Variants in BCL9 observed in about 807,000 individuals in gnomAD.
BCL9 encodes BCL9 transcription coactivator.
Under a neutral mutation model 88.5 loss-of-function variants are expected in BCL9, and 25 were observed. That is an observed-to-expected ratio of 0.28 (90% CI 0.21 to 0.39). The LOEUF is 0.39. BCL9 is among the 10% of genes least tolerant of loss of function. The pLI is 1.00. For missense variants in BCL9, 1,817 were observed against 1,877.8 expected (o/e 0.97, Z 0.60); for synonymous variants, 711 against 673.3 (o/e 1.06, Z -0.87).
chr1:147,545,793 T>C (rs1553194202), intron 1 of BCL9, among the ~76,000 whole-genome samples: 1 of 152,242 alleles, frequency 6.6e-6, no homozygotes, highest in African/African-American at 2.4e-5. Context: ...CTTGACATTT[T>C]AATGCACTTT....
At chr1:147,565,044 A>G (rs1452201200) in intron 1 of BCL9, among the ~76,000 whole-genome samples, 1 of 152,218 alleles carries the variant, frequency 6.6e-6, no homozygotes, top group African/African-American at 2.4e-5. Flanking sequence ...CCATCTCTGC[A>G]GAACGTTCTA....
chr1:147,605,170 T>C (rs1657618993), intron 2 of BCL9, among the ~76,000 whole-genome samples: 1 of 152,128 alleles, frequency 6.6e-6, no homozygotes, highest in African/African-American at 2.4e-5. Context: ...GTTAAACAGG[T>C]ATTTATCATA....
At chr1:147,559,128 CTT>C (rs11292399) in intron 1 of BCL9, among the ~76,000 whole-genome samples, 1 of 139,074 alleles carries the variant, frequency 7.2e-6, no homozygotes, top group Non-Finnish European at 1.5e-5. Context: ...CTTTCTTCTT[CTT>C]TTTTTTTTTT....
intron 1 of BCL9, among the ~76,000 whole-genome samples, chr1:147,549,045 C>T (rs149038085): frequency 0.033 from 4,173 of 128,026 alleles, 105 homozygotes; most frequent in Non-Finnish European, 0.044. Context: ...GGTGAGATCT[C>T]GGCTCACTGC....
intron 3 of BCL9, among the ~76,000 whole-genome samples, chr1:147,610,836 A>G (rs943485399): frequency 2.6e-5 from 4 of 152,192 alleles, no homozygotes; most frequent in Non-Finnish European, 4.4e-5. Context: ...TAGCCTTGCA[A>G]ATTGGCTCAA....
At chr1:147,576,072 A>G (rs1656098705) in intron 1 of BCL9, among the ~76,000 whole-genome samples, 1 of 152,152 alleles carries the variant, frequency 6.6e-6, no homozygotes, top group Non-Finnish European at 1.5e-5. Context: ...GGAATAAGAA[A>G]CAGGCTAGAT....
intron 1 of BCL9, among the ~76,000 whole-genome samples, chr1:147,561,536 C>T (rs781133286): frequency 1.2e-4 from 18 of 152,306 alleles, no homozygotes; most frequent in South Asian, 2.1e-4. Context: ...CATCTTATTG[C>T]GTGATGCAGC....
At position 147,620,154 on chromosome 1, in the gene BCL9, C is replaced by T. The variant is rs150844383; in HGVS notation, c.1999C>T (p.Arg667Cys). ...GAACAGGATGATTCCAGGCTCCCAG[C>T]GCCACATGGAGCCTGGGAATAACCC... ...EMNRMIPGSQRHMEPGNNPIF... is the reference protein window; with the variant it reads ...EMNRMIPGSQCHMEPGNNPIF... The change falls in exon 8 of 10, where the codon CGC becomes TGC. Residue 667 changes from arginine to cysteine, a missense_variant. Physicochemically the swap from Arg to Cys is radical, Grantham distance 180. This residue lies in a region of BCL9 where 1,228 missense variants were observed against 1,191.6 expected (regional missense o/e 1.03). Transcript: ENST00000234739. 8.1e-6 allele frequency: 13 copies of T among 1,614,068 alleles called. No homozygotes were observed. Among genetic ancestry groups the T allele is most frequent in the African/African-American group, 2.7e-5 (2 of 74,922 alleles).
At chr1:147,577,096 G>A (rs587710608) in intron 1 of BCL9, among the ~76,000 whole-genome samples, 2 of 151,958 alleles carry the variant, frequency 1.3e-5, no homozygotes, top group East Asian at 1.9e-4. Context: ...AGAAGTGATC[G>A]AACCAAGAAA....
chr1:147,588,026 G>A lies in BCL9; in HGVS notation c.-477-16751G>A, dbSNP rs1656695162. On this transcript the variant is annotated intron_variant, in intron 1 of 9. Transcript: ENST00000234739. ...GTAATATGTGCTTCTTTATTAGAAC[G>A]TTAATTAAAAAGTCTACTGGCAGGT... 2.6e-5 allele frequency among the ~76,000 whole-genome samples: 4 copies of A among 152,086 alleles called. No homozygotes were observed. In the South Asian group the frequency reaches 6.2e-4, roughly 24 times the overall value.
Position 147,614,540 on chromosome 1 carries a change from A to G in BCL9, c.484A>G (p.Thr162Ala), listed in dbSNP as rs1658174212. The change falls in exon 6 of 10, where the codon ACT (threonine) becomes GCT (alanine). Residue 162 changes from threonine to alanine, a missense_variant. By Grantham distance (58) the Thr-to-Ala change is moderately conservative. Around this residue, in one of 2 missense-constraint regions of BCL9, gnomAD observed 1,228 missense variants for 1,191.6 expected, o/e 1.03. Coordinates refer to ENST00000234739, the MANE Select transcript of BCL9 (RefSeq NM_004326.4). ...TTCTACCCCCTCCCATGGCCAAACTACTGCCACAGAGCCCACACCTGCTCA... is the reference window on the plus strand; with the variant it reads ...TTCTACCCCCTCCCATGGCCAAACTGCTGCCACAGAGCCCACACCTGCTCA... ...RSSTPSHGQTTATEPTPAQKT... is the reference protein window; with the variant it reads ...RSSTPSHGQTAATEPTPAQKT... The G allele has an allele frequency of 6.2e-7, 1 of 1,613,700 alleles. No homozygotes were observed. The highest frequency in any genetic ancestry group is 1.1e-5 in the South Asian group (1 of 91,052).
In BCL9 at chr1:147,613,031, A is replaced by T. The variant is rs1658092572; in HGVS notation, c.202A>T (p.Ser68Cys). The stretch of plus-strand genomic sequence containing the variant: ...CCAGCCATCCCCCTGTGACTCCAAG[A>T]GTGGGGGCCATACCCCTAAAGCACT... ...QSQPSPCDSK[S>C]GGHTPKALPG... Residue 68 changes from serine to cysteine, a missense_variant, in exon 5 of 10, where the codon AGT becomes TGT. Around this residue, in one of 2 missense-constraint regions of BCL9, gnomAD observed 1,228 missense variants for 1,191.6 expected, o/e 1.03. Coordinates refer to ENST00000234739, the MANE Select transcript of BCL9 (RefSeq NM_004326.4). 6.2e-7 allele frequency: 1 copy of T among 1,607,190 alleles called. No homozygotes were observed. Among genetic ancestry groups the T allele is most frequent in the East Asian group, 2.2e-5 (1 of 44,782 alleles).
chr1:147,566,629 G>T (rs1312552004), intron 1 of BCL9, among the ~76,000 whole-genome samples: 2 of 151,862 alleles, frequency 1.3e-5, no homozygotes, highest in Non-Finnish European at 2.9e-5. Context: ...GGTGGCGGGC[G>T]CCTGTAGTCC....
chr1:147,622,967 CCT>C (rs1491149528), intron 9 of BCL9, among the ~76,000 whole-genome samples: 1 of 5,768 alleles, frequency 1.7e-4, no homozygotes, highest in African/African-American at 9.2e-4. Context: ...CCTAGACAAG[CCT>C]TTTTTTTTTT....
intron 1 of BCL9, among the ~76,000 whole-genome samples, chr1:147,597,023 A>T (rs782705181): frequency 4.6e-5 from 7 of 152,164 alleles, no homozygotes; most frequent in South Asian, 4.1e-4. Flanking sequence ...ATTCTCTCCT[A>T]CAATAATAAA....
chr1:147,623,180 T>C (rs1176035146), intron 9 of BCL9, among the ~76,000 whole-genome samples: 1 of 152,078 alleles, frequency 6.6e-6, no homozygotes, highest in Non-Finnish European at 1.5e-5. Context: ...AAATGCTCTT[T>C]ATTTATCAGT....
chr1:147,585,067 G>A (rs1656540701), intron 1 of BCL9, among the ~76,000 whole-genome samples: 1 of 152,132 alleles, frequency 6.6e-6, no homozygotes, highest in Admixed American at 6.5e-5. Flanking sequence ...GGTTCATAGT[G>A]GAGTTATTTC....
At position 147,624,073 on chromosome 1, in the gene BCL9, A is replaced by C. The variant is rs1317366459; in HGVS notation, c.3395A>C (p.Gln1132Pro). 20 of 1,612,440 alleles carry C rather than the reference A, an allele frequency of 1.2e-5. No homozygotes were observed. Among genetic ancestry groups the C allele is most frequent in the Non-Finnish European group, 1.7e-5 (20 of 1,178,818 alleles). ...TCCCAGGAGCCACCGATGGTACCTCAAGGACGGATGGGCTTCCCCCAGGGC... is the reference window on the plus strand; with the variant it reads ...TCCCAGGAGCCACCGATGGTACCTCCAGGACGGATGGGCTTCCCCCAGGGC... ...HGSQEPPMVP[Q>P]GRMGFPQGFP... The change falls in exon 10 of 10, where the codon CAA becomes CCA. Residue 1132 changes from glutamine to proline, a missense_variant. Physicochemically the swap from Gln to Pro is moderately conservative, Grantham distance 76. Coordinates refer to ENST00000234739, the MANE Select transcript of BCL9 (RefSeq NM_004326.4). The surrounding 1 kb of genome is among the most constrained non-coding windows in gnomAD (Gnocchi z 4.4).
chr1:147,597,869 A>C (rs914336488), intron 1 of BCL9, among the ~76,000 whole-genome samples: 1 of 152,172 alleles, frequency 6.6e-6, no homozygotes, highest in Non-Finnish European at 1.5e-5. Context: ...CTTCTGATTC[A>C]ATAATAATTT....
Sources: gnomAD v4.1 joint callset for allele counts (sites outside exome capture counted in the v4.1 genomes callset) on GRCh38, gnomAD v4.1.1 for gene constraint, gnomAD v4.1.1 regional missense constraint, Gnocchi (gnomAD v3.1) non-coding constraint, MANE v1.5 for transcripts, NCBI Gene and HGNC (gene_info 2026-07-23, HGNC 2026-07-21) for gene names.